FHL1: variants seen among roughly 807,000 people sequenced by gnomAD.
FHL1 encodes four and a half LIM domains protein 1.
Under a neutral mutation model 20.3 loss-of-function variants are expected in FHL1, and 1 was observed. The observed-to-expected ratio is 0.05, with a 90% CI of 0.02 to 0.23. The LOEUF (loss-of-function observed/expected upper bound fraction) is 0.23, where lower values mean the gene tolerates loss of function less well. FHL1 is among the 10% of genes least tolerant of loss of function. The probability of loss-of-function intolerance (pLI) is 1.00; values close to 1 mark genes in which losing one functional copy is unlikely to be tolerated. For missense variants in FHL1, 177 were observed against 234.0 expected (o/e 0.76, Z 1.59); for synonymous variants, 82 against 88.9 (o/e 0.92, Z 0.44).
intron 2 of FHL1, among the ~76,000 whole-genome samples, chrX:136,187,594 G>A (rs1359325187): frequency 9.0e-6 from 1 of 111,459 alleles, no homozygotes; most frequent in Non-Finnish European, 1.9e-5. Context: ...AAAGCATTAT[G>A]CTAAGTGAAA....
At chrX:136,209,117 A>T (rs1183759678) in intron 5 of FHL1, 3 of 569,022 alleles carry the variant, frequency 5.3e-6, no homozygotes, top group East Asian at 7.3e-5. Flanking sequence ...CAGCAAAGCT[A>T]ATCACTTCAT....
In FHL1 at chrX:136,197,702, G is replaced by C. The variant is rs1205283089; in HGVS notation, c.22+568G>C. On this transcript the variant is annotated intron_variant, in intron 1 of 5. Transcript: ENST00000370683. ...TTTAGCAGAAAAAGGGGCACATTTT[G>C]GACTCCTTGGGACATGAGCATTTTC... is the stretch of plus-strand genomic sequence containing the variant. Among the ~76,000 whole-genome samples the C allele has an allele frequency of 4.4e-5, 5 of 112,464 alleles. No individual in the cohort carries two copies. In the Admixed American group the frequency reaches 4.7e-4, roughly 11 times the overall value.
At chrX:136,192,323 T>C (rs887222620), upstream of FHL1, among the ~76,000 whole-genome samples, 6 of 111,889 alleles carry the variant, frequency 5.4e-5, no homozygotes, top group Admixed American at 9.5e-5. Flanking sequence ...TTCCTACCTC[T>C]TGGTAAAAGT....
upstream of FHL1, among the ~76,000 whole-genome samples, chrX:136,193,780 C>CTAAAAATATAACT: frequency 9.0e-6 from 1 of 110,587 alleles, no homozygotes; most frequent in Admixed American, 9.6e-5. Flanking sequence ...TTACCCTGTG[C>CTAAAAATATAACT]TGTCTTCCCT....
intron 1 of FHL1, among the ~76,000 whole-genome samples, chrX:136,159,499 G>A (rs1569528403): frequency 8.9e-6 from 1 of 111,970 alleles, no homozygotes; most frequent in Non-Finnish European, 1.9e-5. Context: ...CCGAGATCAC[G>A]CCACTGTACT....
intron 1 of FHL1, among the ~76,000 whole-genome samples, chrX:136,156,329 C>T (rs1378197898): frequency 9.7e-6 from 1 of 103,560 alleles, no homozygotes; most frequent in Non-Finnish European, 2.0e-5. Flanking sequence ...GTTGCCCAGG[C>T]TGGAGTGCAA....
chrX:136,208,710 C>G (rs1344037595), intron 5 of FHL1, 69 bp downstream of exon 5: 17 of 1,059,206 alleles, frequency 1.6e-5, no homozygotes, highest in Non-Finnish European at 2.2e-5. Context: ...TCTCATTTTC[C>G]TGTCGTCGGT....
intron 2 of FHL1, among the ~76,000 whole-genome samples, chrX:136,179,271 G>A (rs910664748): frequency 3.6e-5 from 4 of 111,517 alleles, no homozygotes; most frequent in African/African-American, 1.3e-4. Context: ...AATTGGAGAG[G>A]GTGAGTTCCA....
upstream of FHL1, among the ~76,000 whole-genome samples, chrX:136,193,117 G>A (rs1268803798): frequency 3.6e-5 from 4 of 110,193 alleles, no homozygotes; most frequent in African/African-American, 9.9e-5. Flanking sequence ...ATGAAACCAC[G>A]GAGAAATCCA....
At chrX:136,174,943 A>T (rs2072962846) in intron 2 of FHL1, among the ~76,000 whole-genome samples, 1 of 112,270 alleles carries the variant, frequency 8.9e-6, no homozygotes, top group Admixed American at 9.5e-5. Context: ...AAATGATTTT[A>T]AAAAGTTGGA....
At chrX:136,194,714 C>G (rs1159582876), upstream of FHL1, among the ~76,000 whole-genome samples, 40 of 111,945 alleles carry the variant, frequency 3.6e-4, no homozygotes, top group Admixed American at 3.8e-3. Flanking sequence ...CAATGAAACC[C>G]GTGACTCCAG....
rs1471113701 is a variant in FHL1 at position 136,191,934 on chromosome X, T to C, written c.-26-14473T>C. 2.7e-5 allele frequency among the ~76,000 whole-genome samples: 3 copies of C among 112,017 alleles called. No individual in the cohort carries two copies. The Admixed American group carries it at 2.8e-4, about 11-fold the overall frequency. On this transcript the variant is annotated intron_variant, in intron 2 of 6. Transcript: ENST00000394153. Reference sequence around the variant, plus strand: ...AGGTGGGCTTGGTGAATGCCAGGACTTAGCATGGTTGAAAGGGTGTTTTGA... The same window carrying C: ...AGGTGGGCTTGGTGAATGCCAGGACCTAGCATGGTTGAAAGGGTGTTTTGA...
chrX:136,207,375 T>A, intron 3 of FHL1, 185 bp downstream of exon 3: 1 of 458,789 alleles, frequency 2.2e-6, no homozygotes, highest in Non-Finnish European at 3.7e-6. Context: ...ACGCACACAC[T>A]CGGAGACTAA....
chrX:136,153,290 G>GA (rs944860128), intron 1 of FHL1, among the ~76,000 whole-genome samples: 2 of 101,650 alleles, frequency 2.0e-5, no homozygotes, highest in Admixed American at 1.1e-4. Flanking sequence ...GAGGTGGGGG[G>GA]GGGCAGGAAA....
intron 1 of FHL1, among the ~76,000 whole-genome samples, chrX:136,200,362 T>C (rs1010066516): frequency 1.8e-5 from 2 of 112,291 alleles, no homozygotes; most frequent in African/African-American, 3.2e-5. Flanking sequence ...TCATATAAGA[T>C]GATTTTTAAA....
At chrX:136,180,930 C>T (rs1177587386) in intron 2 of FHL1, among the ~76,000 whole-genome samples, 3 of 111,455 alleles carry the variant, frequency 2.7e-5, no homozygotes, top group African/African-American at 6.5e-5. Flanking sequence ...TTAGTAGAGA[C>T]GGGGTTTTGC....
At chrX:136,161,673 AGGAAACAGTTCAT>A (rs1253854713) in intron 1 of FHL1, among the ~76,000 whole-genome samples, 1 of 112,056 alleles carries the variant, frequency 8.9e-6, no homozygotes, top group Non-Finnish European at 1.9e-5. Flanking sequence ...CTGAATTGTA[AGGAAACAGTTCAT>A]GGAGCGCCAA....
intron 1 of FHL1, chrX:136,147,685 C>T (rs1396150461): frequency 9.2e-6 from 1 of 108,278 alleles, no homozygotes; most frequent in East Asian, 3.0e-4. Context: ...CCGCCGGCGT[C>T]CTGGGTCCCG....
chrX:136,177,882 A>G lies in FHL1; in HGVS notation c.-27+7902A>G, dbSNP rs185582664. Reference sequence around the variant, plus strand: ...ATAGGCAAAGATTTGAGAAGCCAACAACAGATGCTCACTTGTAAGAGAGAA... The same window carrying G: ...ATAGGCAAAGATTTGAGAAGCCAACGACAGATGCTCACTTGTAAGAGAGAA... On this transcript the variant is annotated intron_variant, in intron 2 of 6. Transcript: ENST00000394153. Among the ~76,000 whole-genome samples the G allele has an allele frequency of 1.2e-4, 13 of 112,538 alleles. No homozygotes were observed. In the East Asian group the frequency reaches 3.6e-3, roughly 31 times the overall value.
Sources: gnomAD v4.1 joint callset for allele counts (sites outside exome capture counted in the v4.1 genomes callset) on GRCh38, gnomAD v4.1.1 for gene constraint, MANE v1.5 for transcripts, NCBI Gene and HGNC (gene_info 2026-07-23, HGNC 2026-07-21) for gene names.